The following EPHA6 variants were observed in gnomAD, a reference collection of about 807,000 sequenced individuals.
The protein encoded by EPHA6 is EPH receptor A6.
A neutral mutation model predicts 112.0 loss-of-function variants in EPHA6; 50 were observed. The observed-to-expected ratio is 0.45, with a 90% CI of 0.36 to 0.56. The LOEUF is 0.56. Ranked by LOEUF, EPHA6 falls within the 20% of genes least tolerant of loss-of-function variation. EPHA6 has a pLI of 0.00. For synonymous variants in EPHA6, 529 were observed against 490.7 expected (o/e 1.08, Z -1.03); for missense variants, 1,280 against 1,417.4 (o/e 0.90, Z 1.56).
intron 4 of EPHA6, among the ~76,000 whole-genome samples, chr3:97,227,265 G>A (rs2078387603): frequency 1.3e-5 from 2 of 150,758 alleles, no homozygotes; most frequent in South Asian, 4.2e-4. Context: ...TTGTAGTCCA[G>A]GCTGGAGTGC....
At chr3:96,827,534 T>G (rs112588023) in intron 1 of EPHA6, among the ~76,000 whole-genome samples, 1,577 of 152,222 alleles carry the variant, frequency 0.01, 26 homozygotes, top group African/African-American at 0.036. Context: ...AAGTATTTCT[T>G]CTGAAGATAT....
intron 3 of EPHA6, among the ~76,000 whole-genome samples, chr3:97,070,270 G>C (rs921462572): frequency 2.0e-5 from 3 of 151,984 alleles, no homozygotes; most frequent in Non-Finnish European, 4.4e-5. Flanking sequence ...CTGAGTGCCT[G>C]GAACATAGTC....
Position 96,993,360 on chromosome 3 carries a change from G to A in EPHA6, c.1114+5367G>A, listed in dbSNP as rs564461141. Among the ~76,000 whole-genome samples, 131 of 150,734 alleles carry A rather than the reference G, an allele frequency of 8.7e-4. 1 individual carries two copies. Among genetic ancestry groups the A allele is most frequent in the African/African-American group, 3.0e-3 (122 of 40,948 alleles). ...TCACCAGGCTAGAGTACAGTGGCGC[G>A]ATCTTGCCGCACTGCAACTTCCGCC... is the stretch of plus-strand genomic sequence containing the variant. On this transcript the variant is annotated intron_variant, in intron 3 of 17. Coordinates refer to ENST00000389672, the MANE Select transcript of EPHA6 (RefSeq NM_001080448.3).
intron 13 of EPHA6, among the ~76,000 whole-genome samples, chr3:97,625,283 G>T (rs1347162907): frequency 6.6e-6 from 1 of 151,466 alleles, no homozygotes; most frequent in Non-Finnish European, 1.5e-5. Context: ...AATTCTCTTT[G>T]TGATTTCTTC....
At chr3:96,981,687 CT>C (rs200631396) in intron 2 of EPHA6, among the ~76,000 whole-genome samples, 13 of 151,748 alleles carry the variant, frequency 8.6e-5, no homozygotes, top group Admixed American at 5.3e-4. Context: ...TGGTCCTGGA[CT>C]TTTTTTTGTT....
intron 4 of EPHA6, among the ~76,000 whole-genome samples, chr3:97,228,411 G>A (rs2078423028): frequency 6.6e-6 from 1 of 152,028 alleles, no homozygotes; most frequent in Non-Finnish European, 1.5e-5. Context: ...GAGAACATAT[G>A]ATGTTTGGTT....
At chr3:97,366,377 C>G (rs1249193475) in intron 5 of EPHA6, among the ~76,000 whole-genome samples, 4 of 151,508 alleles carry the variant, frequency 2.6e-5, no homozygotes, top group African/African-American at 9.8e-5. Context: ...CCACAATGCC[C>G]TAAGTCAATC....
At chr3:97,464,900 G>T (rs376942760) in intron 7 of EPHA6, among the ~76,000 whole-genome samples, 1 of 152,100 alleles carries the variant, frequency 6.6e-6, no homozygotes, top group Non-Finnish European at 1.5e-5. Flanking sequence ...GATAAAGTTG[G>T]TGATGCTCAA....
At chr3:97,461,199 T>A (rs2090877362) in intron 7 of EPHA6, among the ~76,000 whole-genome samples, 1 of 152,184 alleles carries the variant, frequency 6.6e-6, no homozygotes, top group African/African-American at 2.4e-5. Flanking sequence ...AAATTTTTTA[T>A]GTTAGCAACT....
chr3:97,247,063 T>C (rs1253222619), intron 5 of EPHA6, among the ~76,000 whole-genome samples: 1 of 152,022 alleles, frequency 6.6e-6, no homozygotes, highest in African/African-American at 2.4e-5. Flanking sequence ...ATAAAATAAT[T>C]GTATTGCTTC....
intron 3 of EPHA6, among the ~76,000 whole-genome samples, chr3:97,186,257 G>T (rs1417827340): frequency 6.6e-6 from 1 of 152,058 alleles, no homozygotes; most frequent in Admixed American, 6.6e-5. Flanking sequence ...CTCTCAGCCT[G>T]CTTCCTAGCT....
chr3:96,889,224 C>A (rs1028959769), intron 2 of EPHA6, among the ~76,000 whole-genome samples: 2 of 152,166 alleles, frequency 1.3e-5, no homozygotes, highest in Non-Finnish European at 2.9e-5. Flanking sequence ...ATTTTCCTGT[C>A]TTCTGAGCCC....
chr3:97,311,642 C>T (rs986166358), intron 5 of EPHA6, among the ~76,000 whole-genome samples: 2 of 151,606 alleles, frequency 1.3e-5, no homozygotes, highest in African/African-American at 2.4e-5. Context: ...TCCATTGATT[C>T]GTTTATCTTT....
At chr3:97,032,188 A>G (rs1375338192) in intron 3 of EPHA6, among the ~76,000 whole-genome samples, 5 of 152,158 alleles carry the variant, frequency 3.3e-5, no homozygotes, top group South Asian at 2.1e-4. Flanking sequence ...TCAGAAAACT[A>G]TCGCAAGGAC....
At chr3:97,175,814 G>A (rs1424415051) in intron 3 of EPHA6, among the ~76,000 whole-genome samples, 1 of 151,446 alleles carries the variant, frequency 6.6e-6, no homozygotes, top group African/African-American at 2.4e-5. Flanking sequence ...TTTTATATTA[G>A]GTTTTTCCAA....
At chr3:97,328,236 C>T (rs2082581341) in intron 5 of EPHA6, among the ~76,000 whole-genome samples, 2 of 151,398 alleles carry the variant, frequency 1.3e-5, no homozygotes, top group Non-Finnish European at 1.5e-5. Context: ...AATTGTTGGG[C>T]CTTATGGAAA....
chr3:97,030,615 TG>T (rs1453715487), intron 3 of EPHA6, among the ~76,000 whole-genome samples: 1 of 152,040 alleles, frequency 6.6e-6, no homozygotes, highest in African/African-American at 2.4e-5. Context: ...TCTTAGAACT[TG>T]GGTGTAGAGA....
At chr3:96,856,246 A>T (rs1031742209) in intron 1 of EPHA6, among the ~76,000 whole-genome samples, 19 of 136,174 alleles carry the variant, frequency 1.4e-4, no homozygotes, top group African/African-American at 4.9e-4. Flanking sequence ...CTCATAAATT[A>T]AAAAAAAAAA....
chr3:97,397,994 C>T (rs1368709768), intron 5 of EPHA6, among the ~76,000 whole-genome samples: 1 of 151,160 alleles, frequency 6.6e-6, no homozygotes, highest in African/African-American at 2.4e-5. Context: ...TATTTGTTAC[C>T]GTTTTATAAA....
Sources: gnomAD v4.1 joint callset for allele counts (sites outside exome capture counted in the v4.1 genomes callset) on GRCh38, gnomAD v4.1.1 for gene constraint, MANE v1.5 for transcripts, NCBI Gene and HGNC (gene_info 2026-07-23, HGNC 2026-07-21) for gene names.